The following NCEH1 variants were observed in gnomAD, a reference collection of about 807,000 sequenced individuals.
NCEH1 encodes 2-acetyl MAGE hydrolase.
Under a neutral mutation model 25.4 loss-of-function variants are expected in NCEH1, and 9 were observed. The ratio of observed to expected loss-of-function variants is 0.35; its 90% CI spans 0.21 to 0.62. The LOEUF is 0.62. Among genes scored for constraint, NCEH1 ranks in the 20% least tolerant of loss-of-function variants. NCEH1 has a pLI of 0.72. For missense variants in NCEH1, 412 were observed against 501.1 expected (o/e 0.82, Z 1.70); for synonymous variants, 200 against 199.8 (o/e 1.00, Z -0.01).
intron 1 of NCEH1, among the ~76,000 whole-genome samples, chr3:172,661,950 A>G (rs991204693): frequency 2.6e-5 from 4 of 152,126 alleles, no homozygotes; most frequent in Non-Finnish European, 5.9e-5. Context: ...CTAATTGAAT[A>G]CCCTGTATTT....
chr3:172,699,720 C>T (rs1350598600), intron 1 of NCEH1, among the ~76,000 whole-genome samples: 1 of 152,092 alleles, frequency 6.6e-6, no homozygotes, highest in East Asian at 1.9e-4. Flanking sequence ...CAAAAATCAG[C>T]TGGGCATGGT....
chr3:172,654,517 T>C (rs1329501769), intron 1 of NCEH1, among the ~76,000 whole-genome samples: 1 of 152,246 alleles, frequency 6.6e-6, no homozygotes, highest in Admixed American at 6.5e-5. Flanking sequence ...GCACATTTGT[T>C]ATTAGTTCCA....
chr3:172,708,087 C>A (rs2108233350), intron 1 of NCEH1, among the ~76,000 whole-genome samples: 1 of 152,198 alleles, frequency 6.6e-6, no homozygotes, highest in Admixed American at 6.5e-5. Context: ...ATATGGGGAA[C>A]CCCAAGGAAA....
chr3:172,710,334 T>A (rs2108236814), intron 1 of NCEH1, among the ~76,000 whole-genome samples: 1 of 152,286 alleles, frequency 6.6e-6, no homozygotes, highest in African/African-American at 2.4e-5. Flanking sequence ...GAGCCCTGCC[T>A]GCTGTCTCCG....
intron 3 of NCEH1, among the ~76,000 whole-genome samples, chr3:172,638,046 TA>T (rs1472671958): frequency 6.6e-6 from 1 of 152,056 alleles, no homozygotes; most frequent in African/African-American, 2.4e-5. Flanking sequence ...TGTCTCAAAA[TA>T]AAATCCTGCT....
chr3:172,705,649 T>A lies in NCEH1; in HGVS notation c.138+5198A>T, dbSNP rs186990552. ...CCTTTTCTATATATAAAGTGGTTCT[T>A]CTGTCCAGCCCACCACCACTGGACT... is the stretch of plus-strand genomic sequence containing the variant. On this transcript the variant is annotated intron_variant, in intron 1 of 4. Coordinates refer to ENST00000475381, the MANE Select transcript of NCEH1 (RefSeq NM_020792.6). Among the ~76,000 whole-genome samples, 25 of 152,178 alleles carry A rather than the reference T, an allele frequency of 1.6e-4. No individual in the cohort carries two copies. In the East Asian group the frequency reaches 4.6e-3, roughly 28 times the overall value.
At chr3:172,694,719 C>T (rs939075525) in intron 1 of NCEH1, among the ~76,000 whole-genome samples, 1 of 152,146 alleles carries the variant, frequency 6.6e-6, no homozygotes, top group African/African-American at 2.4e-5. Context: ...ATCATAGCAG[C>T]CCCACCCTGC....
intron 1 of NCEH1, among the ~76,000 whole-genome samples, chr3:172,683,457 C>T (rs1201790932): frequency 1.3e-5 from 2 of 150,960 alleles, no homozygotes; most frequent in Admixed American, 1.3e-4. Context: ...ATCATTTGAG[C>T]CCAGGAGTTC....
intron 1 of NCEH1, among the ~76,000 whole-genome samples, chr3:172,650,524 C>G (rs1178465422): frequency 6.6e-6 from 1 of 151,840 alleles, no homozygotes. Flanking sequence ...TGGCGGGCGC[C>G]TGTAGTCCCA....
chr3:172,675,613 AAAGTTACTTT>A, intron 1 of NCEH1, among the ~76,000 whole-genome samples: 1 of 152,380 alleles, frequency 6.6e-6, no homozygotes, highest in Non-Finnish European at 1.5e-5. Flanking sequence ...AATTAATGCT[AAAGTTACTTT>A]AGACATCCAA....
chr3:172,695,593 C>T (rs1189240132), intron 1 of NCEH1, among the ~76,000 whole-genome samples: 1 of 152,136 alleles, frequency 6.6e-6, no homozygotes, highest in Non-Finnish European at 1.5e-5. Flanking sequence ...AACAATAGTA[C>T]TTATGTAACA....
intron 3 of NCEH1, among the ~76,000 whole-genome samples, chr3:172,638,727 G>A (rs941882082): frequency 6.6e-6 from 1 of 152,120 alleles, no homozygotes; most frequent in African/African-American, 2.4e-5. Context: ...ATATCCACTA[G>A]CATCCATATG....
intron 1 of NCEH1, among the ~76,000 whole-genome samples, chr3:172,671,540 T>G (rs1483344784): frequency 7.3e-6 from 1 of 137,238 alleles, no homozygotes; most frequent in African/African-American, 2.8e-5. Context: ...TATATAGATA[T>G]ATATACAAAT....
chr3:172,688,559 A>G (rs1229587596), intron 1 of NCEH1, among the ~76,000 whole-genome samples: 1 of 152,156 alleles, frequency 6.6e-6, no homozygotes, highest in Non-Finnish European at 1.5e-5. Flanking sequence ...TGAGATCATT[A>G]CTGGGTTGGA....
In NCEH1 at chr3:172,643,783, C is replaced by T. The variant is rs138782384; in HGVS notation, c.437+1840G>A. 7.0e-3 allele frequency among the ~76,000 whole-genome samples: 1,064 copies of T among 152,264 alleles called. 10 individuals are homozygous for T. The highest frequency in any genetic ancestry group is 0.024 in the African/African-American group (1,010 of 41,534). ...GTGCCAACTGAAGCAAGCCCAGCTT[C>T]CCTCCTTTTCTCAGGCCTGCAAGGA... is the stretch of plus-strand genomic sequence containing the variant. On this transcript the variant is annotated intron_variant, in intron 3 of 4. Transcript: ENST00000475381.
chr3:172,694,378 A>ATATGTGTGTG (rs1553839159), intron 1 of NCEH1, among the ~76,000 whole-genome samples: 1 of 151,236 alleles, frequency 6.6e-6, no homozygotes, highest in African/African-American at 2.4e-5. Flanking sequence ...AGTTATATAT[A>ATATGTGTGTG]TGTGTGTGTG....
chr3:172,699,194 A>ACTCAGTATTTACT lies in NCEH1; in HGVS notation c.138+11652_138+11653insAGTAAATACTGAG, dbSNP rs1576781547. ...ATGATTTCTGAGTTGGTATTGAACG[A>ACTCAGTATTTACT]TGCGTGGGATATTGCCCAAAGTAAA... is the stretch of plus-strand genomic sequence containing the variant. On this transcript the variant is annotated intron_variant, in intron 1 of 4. Coordinates refer to ENST00000475381, the MANE Select transcript of NCEH1 (RefSeq NM_020792.6). 2.0e-5 allele frequency among the ~76,000 whole-genome samples: 3 copies of ACTCAGTATTTACT among 152,246 alleles called. No homozygotes were observed. The East Asian group carries it at 5.8e-4, about 29-fold the overall frequency.
intron 1 of NCEH1, among the ~76,000 whole-genome samples, chr3:172,701,654 CTG>C (rs1270655728): frequency 7.7e-6 from 1 of 130,702 alleles, no homozygotes; most frequent in East Asian, 2.3e-4. Context: ...TTAGTAGAGA[CTG>C]GGTTTCACCA....
At chr3:172,660,748 G>A (rs1373276908) in intron 1 of NCEH1, among the ~76,000 whole-genome samples, 1 of 152,166 alleles carries the variant, frequency 6.6e-6, no homozygotes, top group Non-Finnish European at 1.5e-5. Context: ...ATTTTTTCCT[G>A]TGTCTGTTGG....
Sources: allele counts gnomAD v4.1 joint callset (sites outside exome capture counted in the v4.1 genomes callset), GRCh38; gene constraint gnomAD v4.1.1; transcripts MANE v1.5; gene names NCBI Gene and HGNC (gene_info 2026-07-23, HGNC 2026-07-21).